DMRT1: variants seen among roughly 807,000 people sequenced by gnomAD.
DMRT1 encodes the protein doublesex and mab-3 related transcription factor 1.
Under a neutral mutation model 32.3 loss-of-function variants are expected in DMRT1, and 7 were observed. That is an observed-to-expected ratio of 0.22 (90% CI 0.12 to 0.41). DMRT1 has a LOEUF of 0.41. DMRT1 is among the 10% of genes least tolerant of loss of function. DMRT1 has a pLI of 1.00. For synonymous variants in DMRT1, 278 were observed against 206.1 expected (o/e 1.35, Z -2.99); for missense variants, 625 against 500.5 (o/e 1.25, Z -2.37).
chr9:857,546 CAT>C (rs2132567205), intron 2 of DMRT1, among the ~76,000 whole-genome samples: 2 of 152,186 alleles, frequency 1.3e-5, no homozygotes, highest in South Asian at 4.1e-4. Flanking sequence ...CTTTGGGTGA[CAT>C]GTGTTTCCTG....
In DMRT1 at chr9:968,453, A is replaced by T. The variant is rs1287234970; in HGVS notation, c.*314A>T. 4 of 294,026 alleles carry T rather than the reference A, an allele frequency of 1.4e-5. No homozygotes were observed. Among genetic ancestry groups the T allele is most frequent in the Non-Finnish European group, 6.5e-6 (1 of 153,890 alleles). 18.2% of individuals were successfully genotyped at this position (294,026 alleles called of 1,614,324 possible). ...CAAGTGAAGCCATTTGTGTGCCTCTAAATGAGTCATCTAATTAGATGTTAC... is the reference window on the plus strand; with the variant it reads ...CAAGTGAAGCCATTTGTGTGCCTCTTAATGAGTCATCTAATTAGATGTTAC... On this transcript the variant is annotated 3_prime_UTR_variant, in exon 5 of 5. Coordinates refer to ENST00000382276, the MANE Select transcript of DMRT1 (RefSeq NM_021951.3).
intron 4 of DMRT1, among the ~76,000 whole-genome samples, chr9:934,918 G>A (rs1029044699): frequency 1.3e-5 from 2 of 152,080 alleles, no homozygotes; most frequent in African/African-American, 2.4e-5. Flanking sequence ...GATACACCTT[G>A]ATCTCTCTGG....
At chr9:843,410 A>G (rs1838775008) in intron 1 of DMRT1, among the ~76,000 whole-genome samples, 1 of 152,244 alleles carries the variant, frequency 6.6e-6, no homozygotes, top group East Asian at 1.9e-4. Context: ...GCATTTTAAA[A>G]TTTGCATTCT....
intron 2 of DMRT1, among the ~76,000 whole-genome samples, chr9:851,317 C>T (rs1403503417): frequency 6.6e-6 from 1 of 152,150 alleles, no homozygotes; most frequent in Non-Finnish European, 1.5e-5. Context: ...TGGCTCACTG[C>T]AACCTCCACC....
chr9:920,632 C>T (rs967054180), intron 4 of DMRT1, among the ~76,000 whole-genome samples: 5 of 152,250 alleles, frequency 3.3e-5, no homozygotes, highest in East Asian at 1.9e-4. Context: ...TGGGATGGGA[C>T]GTCAACCCGT....
chr9:933,254 C>T (rs967520137), intron 4 of DMRT1, among the ~76,000 whole-genome samples: 8 of 152,242 alleles, frequency 5.3e-5, no homozygotes, highest in South Asian at 4.2e-4. Flanking sequence ...TAGGGTCTTT[C>T]GGGCGACCAG....
At chr9:894,280 C>T in intron 3 of DMRT1, 85 bp downstream of exon 3, 1 of 1,449,652 alleles carries the variant, frequency 6.9e-7, no homozygotes, top group Non-Finnish European at 9.6e-7. Context: ...CACAGAGGCA[C>T]ACACGCACTT....
intron 3 of DMRT1, among the ~76,000 whole-genome samples, chr9:900,634 A>G (rs1395825061): frequency 2.0e-5 from 3 of 152,168 alleles, no homozygotes; most frequent in Non-Finnish European, 4.4e-5. Context: ...AATTGAAAAA[A>G]AAACAACAAA....
intron 4 of DMRT1, among the ~76,000 whole-genome samples, chr9:948,167 G>C (rs1169474004): frequency 6.6e-6 from 1 of 152,192 alleles, no homozygotes; most frequent in African/African-American, 2.4e-5. Flanking sequence ...GGAACACAGT[G>C]GGGAGCTTGA....
At chr9:952,783 G>A (rs917118176) in intron 4 of DMRT1, among the ~76,000 whole-genome samples, 1 of 152,224 alleles carries the variant, frequency 6.6e-6, no homozygotes, top group African/African-American at 2.4e-5. Flanking sequence ...GGATCAGGGA[G>A]GAGTGTGTGG....
chr9:914,526 A>G (rs1002913506), intron 3 of DMRT1, among the ~76,000 whole-genome samples: 3 of 141,186 alleles, frequency 2.1e-5, no homozygotes, highest in Non-Finnish European at 4.5e-5. Context: ...ATGAGCCAAT[A>G]TCATGCCACT....
At chr9:936,725 G>C (rs1409828220) in intron 4 of DMRT1, among the ~76,000 whole-genome samples, 1 of 146,430 alleles carries the variant, frequency 6.8e-6, no homozygotes, top group Non-Finnish European at 1.5e-5. Flanking sequence ...TTGCACTCCA[G>C]CCTGGGCAAC....
At chr9:865,745 T>C (rs1815954226) in intron 2 of DMRT1, among the ~76,000 whole-genome samples, 1 of 152,190 alleles carries the variant, frequency 6.6e-6, no homozygotes, top group African/African-American at 2.4e-5. Context: ...TGCTCAAACA[T>C]GGTAGATGTA....
intron 3 of DMRT1, among the ~76,000 whole-genome samples, chr9:915,575 C>G (rs968887258): frequency 6.6e-6 from 1 of 152,108 alleles, no homozygotes; most frequent in Admixed American, 6.5e-5. Context: ...TTAGCAGAAG[C>G]CAAATCACCT....
At chr9:864,212 C>CT (rs5895867) in intron 2 of DMRT1, among the ~76,000 whole-genome samples, 15 of 134,998 alleles carry the variant, frequency 1.1e-4, no homozygotes, top group Admixed American at 2.2e-4. Flanking sequence ...TCTTTTTTTT[C>CT]TTTTTTTTTT....
intron 4 of DMRT1, among the ~76,000 whole-genome samples, chr9:943,471 A>T (rs1329569360): frequency 6.6e-6 from 1 of 152,198 alleles, no homozygotes. Context: ...GGCAACGAGG[A>T]CACTCTCTCA....
At chr9:851,290 G>A (rs1839141481) in intron 2 of DMRT1, among the ~76,000 whole-genome samples, 2 of 152,066 alleles carry the variant, frequency 1.3e-5, no homozygotes. Flanking sequence ...CCAGGCTGGA[G>A]TGCAGTGGTG....
intron 1 of DMRT1, among the ~76,000 whole-genome samples, chr9:844,878 A>G (rs1447192293): frequency 2.0e-5 from 3 of 150,800 alleles, no homozygotes; most frequent in Non-Finnish European, 4.4e-5. Flanking sequence ...ACGCCACCAC[A>G]CCCGGTTAAT....
intron 1 of DMRT1, among the ~76,000 whole-genome samples, chr9:846,711 G>T (rs1019505044): frequency 1.4e-4 from 21 of 152,208 alleles, no homozygotes; most frequent in African/African-American, 2.4e-5. Context: ...CTCTTGAGTA[G>T]CTGGGATTCC....
Sources: gnomAD v4.1 joint callset for allele counts (sites outside exome capture counted in the v4.1 genomes callset) on GRCh38, gnomAD v4.1.1 for gene constraint, MANE v1.5 for transcripts, NCBI Gene and HGNC (gene_info 2026-07-23, HGNC 2026-07-21) for gene names.